The following HEXB variants were observed in gnomAD, a reference collection of about 807,000 sequenced individuals.
The protein encoded by HEXB is hexosaminidase subunit beta.
Under a neutral mutation model 71.2 loss-of-function variants are expected in HEXB, and 51 were observed. That is an observed-to-expected ratio of 0.72 (90% confidence interval 0.57 to 0.90). The LOEUF is 0.90. HEXB is among the 40% of genes least tolerant of loss of function. HEXB has a pLI of 0.00. For missense variants in HEXB, 617 were observed against 677.0 expected, an observed-to-expected ratio of 0.91 and a Z score of 0.98; for synonymous variants, 266 against 249.3, an observed-to-expected ratio of 1.07 and a Z score of -0.63.
rs886060749 is a variant in HEXB, at chr5:74,685,247, G to A, written c.-14G>A. On this transcript the variant is annotated 5_prime_UTR_variant, in exon 1 of 14. Coordinates refer to ENST00000261416, the MANE Select transcript of HEXB (RefSeq NM_000521.4). The stretch of plus-strand genomic sequence containing the variant: ...TCCGGCTCGGCAGACCGGGCGGAAA[G>A]CAGCCGAGCGGCCATGGAGCTGTGC... 4.0e-6 allele frequency: 6 copies of A among 1,497,402 alleles called. No individual in the cohort carries two copies. In the Admixed American group the frequency reaches 6.5e-5, roughly 16 times the overall value. The allele number at this position is 1,497,402 out of a possible 1,614,324, so 92.8% of individuals were successfully genotyped here. A position where few individuals can be genotyped will look rare whatever the true frequency, so the allele number is the denominator to read the frequency against.
At chr5:74,644,802 C>A (rs1747972951) in intron 1 of HEXB, among the ~76,000 whole-genome samples, 1 of 101,990 alleles carries the variant, frequency 9.8e-6, no homozygotes, top group East Asian at 3.4e-4. Flanking sequence ...GACAGAGTCT[C>A]ACTCTGTTGC....
At chr5:74,668,813 T>C (rs1044296067) in intron 1 of HEXB, among the ~76,000 whole-genome samples, 2 of 152,236 alleles carry the variant, frequency 1.3e-5, no homozygotes, top group African/African-American at 2.4e-5. Flanking sequence ...GTGTCTCCTT[T>C]TTTAAACTGT....
chr5:74,720,317 G>A (rs776094334), intron 11 of HEXB, 111 bp from the exon 12 acceptor site: 44 of 850,772 alleles, frequency 5.2e-5, no homozygotes, highest in African/African-American at 2.8e-4. Context: ...TGCTAACCAC[G>A]GGCAAGAAAT....
intron 1 of HEXB, among the ~76,000 whole-genome samples, chr5:74,669,990 A>G (rs1341029581): frequency 1.3e-5 from 2 of 152,168 alleles, no homozygotes; most frequent in African/African-American, 2.4e-5. Flanking sequence ...AGGCAGACCA[A>G]TCCTAGGCAG....
At chr5:74,660,971 C>T (rs2112088043) in intron 1 of HEXB, among the ~76,000 whole-genome samples, 1 of 152,244 alleles carries the variant, frequency 6.6e-6, no homozygotes, top group Middle Eastern at 3.4e-3. Context: ...CAGCATCTCA[C>T]TTGTAAAGGG....
At chr5:74,650,191 C>T (rs1388660342) in intron 1 of HEXB, among the ~76,000 whole-genome samples, 3 of 152,212 alleles carry the variant, frequency 2.0e-5, no homozygotes, top group Admixed American at 2.0e-4. Flanking sequence ...TGAGCGGGCA[C>T]GGAACCTCCT....
chr5:74,642,019 G>A (rs1361626082), intron 1 of HEXB, among the ~76,000 whole-genome samples: 8 of 152,170 alleles, frequency 5.3e-5, no homozygotes, highest in Non-Finnish European at 1.0e-4. Flanking sequence ...CTCCCAGCTT[G>A]CTTTAAAACA....
intron 1 of HEXB, among the ~76,000 whole-genome samples, chr5:74,687,782 G>T (rs1268117860): frequency 6.6e-6 from 1 of 151,988 alleles, no homozygotes; most frequent in Non-Finnish European, 1.5e-5. Flanking sequence ...TTTTTAATCT[G>T]TCAGGGTTTT....
At position 74,696,924 on chromosome 5, in the gene HEXB, T is replaced by A. The variant is rs1580383568; in HGVS notation, c.559-72T>A. ...ATATTTTATGAAATGCTTGTATAAA[T>A]AGATTTAGTCTTCATTGAGTTCAAG... On this transcript the variant is annotated intron_variant, in intron 4 of 13. Coordinates refer to ENST00000261416, the MANE Select transcript of HEXB (RefSeq NM_000521.4). The A allele has an allele frequency of 4.7e-6, 4 of 844,594 alleles. No homozygotes were observed. In the East Asian group the frequency reaches 1.0e-4, roughly 21 times the overall value. 52.3% of individuals were successfully genotyped at this position (844,594 alleles called of 1,614,324 possible). A position where few individuals can be genotyped will look rare whatever the true frequency, so the allele number is the denominator to read the frequency against.
Position 74,693,711 on chromosome 5 carries a change from T to C in HEXB, c.511+7T>C, listed in dbSNP as rs1477278041. 19 of 1,605,474 alleles carry C rather than the reference T, an allele frequency of 1.2e-5. No homozygotes were observed. The highest frequency in any genetic ancestry group is 1.6e-5 in the Non-Finnish European group (19 of 1,172,138). Reference sequence around the variant, plus strand: ...GTTTGGGGAGCATTACGAGGTAAGTTCCATGCAGTTTCATTGTTACTTTCC... The same window carrying C: ...GTTTGGGGAGCATTACGAGGTAAGTCCCATGCAGTTTCATTGTTACTTTCC... On this transcript the variant is annotated splice_region_variant and intron_variant, in intron 3 of 13. Coordinates refer to ENST00000261416, the MANE Select transcript of HEXB (RefSeq NM_000521.4).
intron 1 of HEXB, among the ~76,000 whole-genome samples, chr5:74,665,034 G>C (rs952886112): frequency 6.6e-6 from 1 of 152,084 alleles, no homozygotes; most frequent in Admixed American, 6.6e-5. Flanking sequence ...TTTTAAGAAC[G>C]AATCAGAGGT....
upstream of HEXB, among the ~76,000 whole-genome samples, chr5:74,681,880 A>T (rs1351686560): frequency 1.3e-5 from 2 of 152,250 alleles, no homozygotes; most frequent in Non-Finnish European, 2.9e-5. Flanking sequence ...GCAGTGATGC[A>T]TGTCACTTAC....
chr5:74,711,886 A>T (rs1156477265), intron 6 of HEXB, among the ~76,000 whole-genome samples: 2 of 151,118 alleles, frequency 1.3e-5, no homozygotes, highest in African/African-American at 4.9e-5. Context: ...TTCCTCAGGG[A>T]TCTAGAACTA....
intron 1 of HEXB, among the ~76,000 whole-genome samples, chr5:74,644,364 G>A (rs548609925): frequency 7.9e-5 from 12 of 152,310 alleles, no homozygotes; most frequent in African/African-American, 2.9e-4. Context: ...TTTTGCTGAG[G>A]GAGCTGCCAG....
chr5:74,657,170 C>T (rs1185192365), intron 1 of HEXB, among the ~76,000 whole-genome samples: 1 of 152,108 alleles, frequency 6.6e-6, no homozygotes, highest in East Asian at 1.9e-4. Context: ...TTTGTTGTCC[C>T]TGATAAATGT....
chr5:74,670,698 C>T (rs79051333), intron 1 of HEXB, among the ~76,000 whole-genome samples: 5 of 152,200 alleles, frequency 3.3e-5, no homozygotes, highest in South Asian at 4.1e-4. Flanking sequence ...TGTAACACCC[C>T]CTCTGGGACT....
chr5:74,667,289 C>T (rs1748449200), intron 1 of HEXB, among the ~76,000 whole-genome samples: 2 of 151,982 alleles, frequency 1.3e-5, no homozygotes, highest in Non-Finnish European at 2.9e-5. Context: ...CATGGTGGTG[C>T]ATGCCTGTAA....
intron 1 of HEXB, among the ~76,000 whole-genome samples, chr5:74,676,578 C>T (rs995419553): frequency 3.3e-5 from 5 of 152,092 alleles, no homozygotes; most frequent in Admixed American, 3.3e-4. Flanking sequence ...CCAGCCTGGC[C>T]AACATTGTGA....
chr5:74,712,785 C>G (rs1022574572), intron 6 of HEXB, among the ~76,000 whole-genome samples: 4 of 152,106 alleles, frequency 2.6e-5, no homozygotes, highest in African/African-American at 9.7e-5. Context: ...TGCTGGGAGA[C>G]AAGACTGCTT....
Sources: gnomAD v4.1 joint callset for allele counts (sites outside exome capture counted in the v4.1 genomes callset) on GRCh38, gnomAD v4.1.1 for gene constraint, MANE v1.5 for transcripts, NCBI Gene and HGNC (gene_info 2026-07-23, HGNC 2026-07-21) for gene names.